RBFOX1: variants seen among roughly 807,000 people sequenced by gnomAD.
The protein encoded by RBFOX1 is RNA binding protein fox-1 homolog 1.
RBFOX1 carries 8 observed loss-of-function variants against 57.7 expected under a neutral mutation model. That is an observed-to-expected ratio of 0.14 (90% CI 0.08 to 0.25). The LOEUF (loss-of-function observed/expected upper bound fraction) is 0.25. RBFOX1 is among the 10% of genes least tolerant of loss of function. The probability of loss-of-function intolerance (pLI) is 1.00; values close to 1 mark genes in which losing one functional copy is unlikely to be tolerated. For missense variants in RBFOX1, 611 were observed against 548.5 expected (o/e 1.11, Z -1.14); for synonymous variants, 326 against 222.4 (o/e 1.47, Z -4.15).
At chr16:7,280,371 C>T (rs1487615851) in intron 4 of RBFOX1, among the ~76,000 whole-genome samples, 2 of 152,224 alleles carry the variant, frequency 1.3e-5, no homozygotes, top group East Asian at 3.9e-4. Flanking sequence ...TCATCCCCAA[C>T]CTGTTGGTTA....
intron 3 of RBFOX1, among the ~76,000 whole-genome samples, chr16:6,988,753 TTTTTG>T (rs2090876485): frequency 1.6e-4 from 12 of 73,512 alleles, no homozygotes; most frequent in African/African-American, 3.9e-4. Flanking sequence ...GTTTGTTTGT[TTTTTG>T]TTTTTTGTTT....
intron 4 of RBFOX1, among the ~76,000 whole-genome samples, chr16:7,350,835 CTG>C (rs1352438180): frequency 6.6e-6 from 1 of 152,122 alleles, no homozygotes; most frequent in Non-Finnish European, 1.5e-5. Context: ...GTATCTGTGT[CTG>C]TGCCTGAAGG....
intron 1 of RBFOX1, among the ~76,000 whole-genome samples, chr16:5,427,200 A>G (rs1355381538): frequency 1.3e-5 from 2 of 152,240 alleles, no homozygotes; most frequent in Non-Finnish European, 2.9e-5. Context: ...TTCACCAGAG[A>G]ATGAGTACCA....
At chr16:5,402,519 C>G (rs1426258844) in intron 1 of RBFOX1, among the ~76,000 whole-genome samples, 1 of 152,196 alleles carries the variant, frequency 6.6e-6, no homozygotes, top group Non-Finnish European at 1.5e-5. Flanking sequence ...AGGCTACTGT[C>G]TTCCTTTTGT....
intron 3 of RBFOX1, among the ~76,000 whole-genome samples, chr16:5,645,991 G>A (rs181806285): frequency 2.1e-4 from 32 of 151,558 alleles, no homozygotes; most frequent in Admixed American, 4.6e-4. Context: ...AAGTACTACC[G>A]CACCTGGCTA....
At chr16:7,153,739 A>AAAT (rs1555514629) in intron 4 of RBFOX1, among the ~76,000 whole-genome samples, 1 of 151,036 alleles carries the variant, frequency 6.6e-6, no homozygotes, top group African/African-American at 2.4e-5. Flanking sequence ...AAAAAAAAAA[A>AAAT]AATAAGGAAA....
chr16:7,617,396 C>T (rs1331864676), intron 10 of RBFOX1, among the ~76,000 whole-genome samples: 2 of 152,074 alleles, frequency 1.3e-5, no homozygotes, highest in South Asian at 2.1e-4. Flanking sequence ...CATCCAAAAA[C>T]GTGAAAGCCA....
chr16:6,986,372 T>C (rs562918066), intron 3 of RBFOX1, among the ~76,000 whole-genome samples: 66 of 151,988 alleles, frequency 4.3e-4, no homozygotes, highest in Non-Finnish European at 7.5e-4. Flanking sequence ...CTAATTTTCC[T>C]GTTTCTAGTA....
At chr16:6,677,875 C>T (rs2058011622) in intron 3 of RBFOX1, among the ~76,000 whole-genome samples, 1 of 152,120 alleles carries the variant, frequency 6.6e-6, no homozygotes. Context: ...AATATAGGCT[C>T]TTCCAATTTT....
At chr16:6,965,863 A>G (rs941771036) in intron 3 of RBFOX1, among the ~76,000 whole-genome samples, 1 of 149,070 alleles carries the variant, frequency 6.7e-6, no homozygotes, top group East Asian at 2.0e-4. Context: ...AAGGAAACTG[A>G]GGCATGGGGG....
chr16:5,640,681 A>G (rs934632209), intron 3 of RBFOX1, among the ~76,000 whole-genome samples: 6 of 149,970 alleles, frequency 4.0e-5, no homozygotes, highest in Admixed American at 1.3e-4. Flanking sequence ...CATACACACA[A>G]GCACACCATG....
At chr16:6,304,294 A>C (rs146591420) in intron 1 of RBFOX1, among the ~76,000 whole-genome samples, 1 of 151,988 alleles carries the variant, frequency 6.6e-6, no homozygotes, top group Admixed American at 6.5e-5. Flanking sequence ...TCTCAAAAAA[A>C]AGAAAGATAA....
chr16:7,441,232 C>T (rs2191394), intron 4 of RBFOX1, among the ~76,000 whole-genome samples: 173 of 152,306 alleles, frequency 1.1e-3, no homozygotes, highest in African/African-American at 4.0e-3. Context: ...CCTCTGAAAG[C>T]TCTGCAAGGC....
intron 3 of RBFOX1, among the ~76,000 whole-genome samples, chr16:6,698,486 G>T (rs2061369672): frequency 6.6e-6 from 1 of 152,092 alleles, no homozygotes; most frequent in African/African-American, 2.4e-5. Context: ...CTCTTCCTGG[G>T]CTGGGCCCTG....
At chr16:6,316,857 C>T (rs907574931) in intron 1 of RBFOX1, 138 bp from the exon 2 acceptor site, 11 of 598,868 alleles carry the variant, frequency 1.8e-5, no homozygotes, top group Non-Finnish European at 3.2e-5. Context: ...ATCATCATCA[C>T]CATCATTGCT....
At chr16:6,852,082 C>A (rs527240345) in intron 3 of RBFOX1, among the ~76,000 whole-genome samples, 1 of 152,126 alleles carries the variant, frequency 6.6e-6, no homozygotes, top group African/African-American at 2.4e-5. Flanking sequence ...CCTGCCACCA[C>A]GTAACTACCA....
intron 3 of RBFOX1, among the ~76,000 whole-genome samples, chr16:7,018,500 C>A (rs2094030483): frequency 6.6e-6 from 1 of 152,108 alleles, no homozygotes; most frequent in East Asian, 1.9e-4. Flanking sequence ...GGATTGGTTC[C>A]ATGTCTTTGC....
chr16:5,957,093 T>C (rs1300980997), intron 4 of RBFOX1, among the ~76,000 whole-genome samples: 1 of 152,232 alleles, frequency 6.6e-6, no homozygotes, highest in Non-Finnish European at 1.5e-5. Flanking sequence ...AAAATTGTTT[T>C]ACCGAAGAGC....
At chr16:7,121,571 CTAAA>C (rs2067191694) in intron 4 of RBFOX1, among the ~76,000 whole-genome samples, 1 of 152,018 alleles carries the variant, frequency 6.6e-6, no homozygotes, top group African/African-American at 2.4e-5. Flanking sequence ...AAAAGCAAAT[CTAAA>C]TATATACATA....
Sources: gnomAD v4.1 joint callset for allele counts (sites outside exome capture counted in the v4.1 genomes callset) on GRCh38, gnomAD v4.1.1 for gene constraint, MANE v1.5 for transcripts, NCBI Gene and HGNC (gene_info 2026-07-23, HGNC 2026-07-21) for gene names.